The following DERA variants were observed in gnomAD, a reference collection of about 807,000 sequenced individuals.
DERA encodes the protein deoxyribose-phosphate aldolase, also known as 2-deoxy-D-ribose 5-phosphate aldolase.
A neutral mutation model predicts 41.1 loss-of-function variants in DERA; 15 were observed. The ratio of observed to expected loss-of-function variants is 0.37; its 90% confidence interval spans 0.24 to 0.56. The LOEUF is 0.56. Ranked by LOEUF, DERA falls within the 20% of genes least tolerant of loss-of-function variation. The pLI is 0.81. For missense variants in DERA, 396 were observed against 403.4 expected, an observed-to-expected ratio of 0.98 and a Z score of 0.16; for synonymous variants, 139 against 137.4, an observed-to-expected ratio of 1.01 and a Z score of -0.08.
intron 6 of DERA, among the ~76,000 whole-genome samples, chr12:16,028,275 A>T (rs1949066752): frequency 6.6e-6 from 1 of 152,236 alleles, no homozygotes; most frequent in Admixed American, 6.5e-5. Context: ...CATGATGCAA[A>T]GGCATACAGG....
At chr12:16,015,110 C>G (rs1005367552) in intron 6 of DERA, among the ~76,000 whole-genome samples, 1 of 152,140 alleles carries the variant, frequency 6.6e-6, no homozygotes, top group African/African-American at 2.4e-5. Context: ...TGCCTTGTCT[C>G]AGATGAGACT....
At chr12:15,950,755 A>G (rs980019745) in intron 1 of DERA, among the ~76,000 whole-genome samples, 1 of 152,174 alleles carries the variant, frequency 6.6e-6, no homozygotes, top group Non-Finnish European at 1.5e-5. Flanking sequence ...CTTACCCTAT[A>G]TAACTTTTCA....
At position 16,036,445 on chromosome 12, in the gene DERA, G is replaced by A; in HGVS notation, c.900+64G>A. The A allele has an allele frequency of 6.6e-7, 1 of 1,515,300 alleles. No individual in the cohort carries two copies. The allele number at this position is 1,515,300 out of a possible 1,614,324, so 93.9% of individuals were successfully genotyped here. On this transcript the variant is annotated intron_variant, in intron 8 of 8. Coordinates refer to ENST00000428559, the MANE Select transcript of DERA (RefSeq NM_015954.4). This position sits in a 1 kb window ranked among gnomAD's most constrained non-coding sequence, Gnocchi z 4.9. ...TGTTTTTTGAGAAAGGAATTGAAAA[G>A]TCAAATTGAGAACTGGAGATAAAAA...
intron 1 of DERA, among the ~76,000 whole-genome samples, chr12:15,920,825 G>A (rs1473570666): frequency 6.6e-6 from 1 of 152,136 alleles, no homozygotes; most frequent in Non-Finnish European, 1.5e-5. Context: ...TACATCCGGA[G>A]CGAGACTCCG....
intron 1 of DERA, among the ~76,000 whole-genome samples, chr12:15,949,380 A>T (rs915517202): frequency 2.4e-4 from 37 of 152,136 alleles, no homozygotes; most frequent in African/African-American, 8.4e-4. Flanking sequence ...CTGTTTACCT[A>T]TTCAGGCCTC....
At position 16,017,263 on chromosome 12, in the gene DERA, G is replaced by A. The variant is rs1362091268; in HGVS notation, c.638-15279G>A. 1.3e-5 allele frequency among the ~76,000 whole-genome samples: 2 copies of A among 152,184 alleles called. No individual in the cohort carries two copies. Among genetic ancestry groups the A allele is most frequent in the African/African-American group, 2.4e-5 (1 of 41,450 alleles). ...GTGATTTCTTTCTGACTGCCATTAT[G>A]CTTAAACAAGCATCATTGCTTAGTT... On this transcript the variant is annotated intron_variant, in intron 6 of 8. Coordinates refer to ENST00000428559, the MANE Select transcript of DERA (RefSeq NM_015954.4). This position sits in a 1 kb window ranked among gnomAD's most constrained non-coding sequence, Gnocchi z 5.5.
chr12:15,958,945 A>C (rs1948562507), intron 3 of DERA, among the ~76,000 whole-genome samples: 1 of 152,160 alleles, frequency 6.6e-6, no homozygotes, highest in Admixed American at 6.5e-5. Context: ...AAAGACCTGG[A>C]AGGCTAAGCG....
intron 1 of DERA, among the ~76,000 whole-genome samples, chr12:15,945,896 A>G (rs1948444093): frequency 6.6e-6 from 1 of 152,162 alleles, no homozygotes; most frequent in African/African-American, 2.4e-5. Flanking sequence ...TTATTTTGAG[A>G]TATGTCCCAT....
At chr12:16,015,622 G>A (rs1948976169) in intron 6 of DERA, among the ~76,000 whole-genome samples, 1 of 152,134 alleles carries the variant, frequency 6.6e-6, no homozygotes, top group Non-Finnish European at 1.5e-5. Flanking sequence ...AATACAATTT[G>A]GTCAACCTTA....
At chr12:16,007,008 T>G (rs1291689616) in intron 6 of DERA, among the ~76,000 whole-genome samples, 1 of 152,190 alleles carries the variant, frequency 6.6e-6, no homozygotes, top group Non-Finnish European at 1.5e-5. Flanking sequence ...TGTATCAAGC[T>G]CTTAGAACAG....
intron 6 of DERA, among the ~76,000 whole-genome samples, chr12:16,029,982 G>A (rs1949080985): frequency 7.7e-6 from 1 of 130,220 alleles, no homozygotes; most frequent in South Asian, 2.7e-4. Context: ...GAGTGCAGTG[G>A]CACAATCTCG....
At chr12:15,932,121 C>A (rs16911438) in intron 1 of DERA, among the ~76,000 whole-genome samples, 1 of 152,080 alleles carries the variant, frequency 6.6e-6, no homozygotes, top group Admixed American at 6.6e-5. Flanking sequence ...ATAATGTAAC[C>A]AAGATATTGA....
chr12:16,002,182 G>A (rs1353512143), intron 6 of DERA, among the ~76,000 whole-genome samples: 1 of 131,140 alleles, frequency 7.6e-6, no homozygotes, highest in African/African-American at 3.0e-5. Flanking sequence ...CCCTTCCTAT[G>A]TCCATGTGTT....
At position 15,959,937 on chromosome 12, in the gene DERA, G is replaced by T; in HGVS notation, c.373+13G>T. On this transcript the variant is annotated intron_variant, in intron 4 of 8. Coordinates refer to ENST00000428559, the MANE Select transcript of DERA (RefSeq NM_015954.4). The surrounding 1 kb of genome is among the most constrained non-coding windows in gnomAD (Gnocchi z 4.5). ...CCTGTGGCATCAGGTAAAATGTGTT[G>T]TGGCTTTTGTTGTTATTTTTTAAAC... The T allele has an allele frequency of 6.6e-7, 1 of 1,526,334 alleles. No individual in the cohort carries two copies. The allele number at this position is 1,526,334 out of a possible 1,614,324, so 94.5% of individuals were successfully genotyped here.
At position 15,935,874 on chromosome 12, in the gene DERA, A is replaced by T. The variant is rs546322920; in HGVS notation, c.32-21062A>T. Reference sequence around the variant, plus strand: ...GCTTGGGGTCTCTCATGAGGTTGCAATCAAGTTATTGGCCCAGGCAGCCAT... The same window carrying T: ...GCTTGGGGTCTCTCATGAGGTTGCATTCAAGTTATTGGCCCAGGCAGCCAT... On this transcript the variant is annotated intron_variant, in intron 1 of 8. Transcript: ENST00000428559. This position sits in a 1 kb window ranked among gnomAD's most constrained non-coding sequence, Gnocchi z 4.8. Among the ~76,000 whole-genome samples, 13 of 152,292 alleles carry T rather than the reference A, an allele frequency of 8.5e-5. No homozygotes were observed. The highest frequency in any genetic ancestry group is 3.1e-4 in the African/African-American group (13 of 41,564).
Position 16,032,683 on chromosome 12 carries a change from A to C in DERA, c.750+29A>C, listed in dbSNP as rs926161962. ...TATTATTGCCAGCAAATCTTTCTTC[A>C]GAGTAAAGATAATGTTATTTATAAT... On this transcript the variant is annotated intron_variant, in intron 7 of 8. Coordinates refer to ENST00000428559, the MANE Select transcript of DERA (RefSeq NM_015954.4). 2.6e-5 allele frequency: 35 copies of C among 1,335,982 alleles called. 1 individual carries two copies. In the Admixed American group the frequency reaches 4.4e-4, roughly 17 times the overall value. The allele number at this position is 1,335,982 out of a possible 1,614,324, so 82.8% of individuals were successfully genotyped here.
rs551634329 is a variant in DERA at position 15,965,820 on chromosome 12, C to T, written c.508+2873C>T. 3.9e-3 allele frequency among the ~76,000 whole-genome samples: 591 copies of T among 152,266 alleles called. 3 individuals are homozygous for T. The highest frequency in any genetic ancestry group is 0.014 in the African/African-American group (564 of 41,544). ...AGGTCCTTGCATCAGGGCTGCTTTT[C>T]TTTGCTTCTTCCTTTGCTCCTTCCT... On this transcript the variant is annotated intron_variant, in intron 5 of 8. Transcript: ENST00000428559. This position sits in a 1 kb window ranked among gnomAD's most constrained non-coding sequence, Gnocchi z 4.1.
chr12:15,919,764 C>G (rs1165286247), intron 1 of DERA, among the ~76,000 whole-genome samples: 1 of 152,152 alleles, frequency 6.6e-6, no homozygotes, highest in Non-Finnish European at 1.5e-5. Context: ...TCCCGCAAAG[C>G]AAAGTCTAAG....
At chr12:15,964,874 T>A (rs116329727) in intron 5 of DERA, among the ~76,000 whole-genome samples, 1,986 of 152,336 alleles carry the variant, frequency 0.013, 43 homozygotes, top group African/African-American at 0.046. Flanking sequence ...TAGGAATGGT[T>A]GTTTTTAAGA....
Sources: gnomAD v4.1 joint callset for allele counts (sites outside exome capture counted in the v4.1 genomes callset) on GRCh38, gnomAD v4.1.1 for gene constraint, Gnocchi (gnomAD v3.1) non-coding constraint, MANE v1.5 for transcripts, NCBI Gene and HGNC (gene_info 2026-07-23, HGNC 2026-07-21) for gene names.